Variants in NRXN3 observed in about 807,000 individuals in gnomAD.
NRXN3 encodes neurexin III.
In NRXN3, 32 loss-of-function variants were observed where a neutral mutation model predicts 137.6. The observed-to-expected ratio is 0.23, with a 90% CI of 0.18 to 0.31. The LOEUF is 0.31. Ranked by LOEUF, NRXN3 falls within the 10% of genes least tolerant of loss-of-function variation. The pLI is 1.00. For missense variants in NRXN3, 1,574 were observed against 2,062.5 expected (o/e 0.76, Z 4.59); for synonymous variants, 798 against 784.5 (o/e 1.02, Z -0.29).
chr14:78,971,383 A>G (rs979325648), intron 14 of NRXN3, among the ~76,000 whole-genome samples: 28 of 152,056 alleles, frequency 1.8e-4, no homozygotes, highest in African/African-American at 6.8e-4. Context: ...GAATCTCTTC[A>G]AGATATGTTT....
intron 16 of NRXN3, among the ~76,000 whole-genome samples, chr14:79,565,001 A>T (rs940399771): frequency 1.3e-5 from 2 of 152,134 alleles, no homozygotes; most frequent in African/African-American, 4.8e-5. Context: ...TCATGACCTC[A>T]GGAGAACCTG....
chr14:78,191,092 A>G (rs2153374560), intron 1 of NRXN3, among the ~76,000 whole-genome samples: 1 of 152,244 alleles, frequency 6.6e-6, no homozygotes, highest in South Asian at 2.1e-4. Context: ...ATTTTCCCTT[A>G]TTTTTCAAAG....
intron 4 of NRXN3, among the ~76,000 whole-genome samples, chr14:78,541,513 T>C (rs568819554): frequency 1.3e-5 from 2 of 152,312 alleles, no homozygotes; most frequent in African/African-American, 4.8e-5. Context: ...TAGCCATTCA[T>C]GTAATATTTT....
chr14:79,730,398 T>G (rs2098917621), intron 19 of NRXN3, among the ~76,000 whole-genome samples: 1 of 152,162 alleles, frequency 6.6e-6, no homozygotes, highest in Admixed American at 6.6e-5. Flanking sequence ...TGGAAAAAAT[T>G]GACAAGCACT....
At chr14:78,270,976 G>T (rs1476732210) in intron 2 of NRXN3, among the ~76,000 whole-genome samples, 1 of 152,188 alleles carries the variant, frequency 6.6e-6, no homozygotes, top group Non-Finnish European at 1.5e-5. Flanking sequence ...TCTCAAACTT[G>T]TACCAGCAAC....
chr14:79,069,563 TA>T (rs5809919), intron 15 of NRXN3, among the ~76,000 whole-genome samples: 142,166 of 146,498 alleles, frequency 0.97, 68,970 homozygotes, highest in Middle Eastern at 0.99. Context: ...TGAAATTTTA[TA>T]AAAAAAAAAA....
At chr14:79,672,532 G>T (rs149879558) in intron 17 of NRXN3, among the ~76,000 whole-genome samples, 3 of 152,100 alleles carry the variant, frequency 2.0e-5, no homozygotes, top group East Asian at 3.9e-4. Flanking sequence ...CTCCCTCTAT[G>T]TGAGGCATCA....
chr14:78,989,716 C>T (rs1054793296), intron 15 of NRXN3, among the ~76,000 whole-genome samples: 16 of 152,282 alleles, frequency 1.1e-4, no homozygotes, highest in African/African-American at 3.8e-4. Context: ...GTATAGCACT[C>T]ACTAGGAAGG....
At chr14:79,832,402 C>G (rs10162466) in intron 20 of NRXN3, among the ~76,000 whole-genome samples, 91,184 of 152,062 alleles carry the variant, frequency 0.6, 27,772 homozygotes, top group African/African-American at 0.72. Context: ...TCAATAGAGC[C>G]AGTAATAACT....
chr14:79,368,960 A>G (rs1461292897), intron 15 of NRXN3, among the ~76,000 whole-genome samples: 1 of 152,240 alleles, frequency 6.6e-6, no homozygotes, highest in Non-Finnish European at 1.5e-5. Context: ...AACTTATTCT[A>G]TTCAGTCACA....
chr14:78,834,446 T>G (rs2098990707), intron 10 of NRXN3, among the ~76,000 whole-genome samples: 3 of 152,080 alleles, frequency 2.0e-5, no homozygotes. Context: ...CAAGTAATGG[T>G]CAGAGAGGCA....
At position 79,306,855 on chromosome 14, in the gene NRXN3, T is replaced by C. The variant is rs558576066; in HGVS notation, c.3263-160366T>C. 5.9e-5 allele frequency among the ~76,000 whole-genome samples: 9 copies of C among 152,194 alleles called. 1 individual carries two copies. The East Asian group carries it at 1.6e-3, about 26-fold the overall frequency. On this transcript the variant is annotated intron_variant, in intron 15 of 20. Transcript: ENST00000335750. ...GAGCCAGGCCTCACCACATGGGCGA[T>C]TGTGGTTGATGAACAGATTCTAGTT...
intron 10 of NRXN3, among the ~76,000 whole-genome samples, chr14:78,882,564 G>T (rs2152657906): frequency 6.6e-6 from 1 of 151,884 alleles, no homozygotes; most frequent in East Asian, 1.9e-4. Flanking sequence ...CTTGCATGAG[G>T]CCTGTAGCCT....
At chr14:78,414,856 T>C (rs1334437444) in intron 4 of NRXN3, among the ~76,000 whole-genome samples, 4 of 151,942 alleles carry the variant, frequency 2.6e-5, no homozygotes, top group African/African-American at 9.7e-5. Flanking sequence ...AATGAAGAAG[T>C]CTGACTCTTT....
intron 8 of NRXN3, among the ~76,000 whole-genome samples, chr14:78,764,058 A>G (rs2098701024): frequency 6.6e-6 from 1 of 152,164 alleles, no homozygotes; most frequent in Non-Finnish European, 1.5e-5. Flanking sequence ...CCCACTACAG[A>G]GCACTCAGTA....
At chr14:79,754,095 G>A (rs2099008979) in intron 19 of NRXN3, among the ~76,000 whole-genome samples, 2 of 152,040 alleles carry the variant, frequency 1.3e-5, no homozygotes, top group South Asian at 4.1e-4. Flanking sequence ...GCCGAGGCAG[G>A]TGGATCACGT....
intron 4 of NRXN3, among the ~76,000 whole-genome samples, chr14:78,545,325 C>T (rs1218692957): frequency 1.3e-5 from 2 of 152,220 alleles, no homozygotes; most frequent in Non-Finnish European, 2.9e-5. Flanking sequence ...TTTAAACACA[C>T]ACACAAACAA....
At chr14:78,560,868 G>A (rs2096779943) in intron 4 of NRXN3, among the ~76,000 whole-genome samples, 2 of 152,196 alleles carry the variant, frequency 1.3e-5, no homozygotes, top group Non-Finnish European at 1.5e-5. Context: ...AAATAGAATT[G>A]CTTTTAGGTT....
At chr14:78,594,046 C>T (rs549274174) in intron 4 of NRXN3, among the ~76,000 whole-genome samples, 217 of 152,292 alleles carry the variant, frequency 1.4e-3, no homozygotes, top group Non-Finnish European at 2.4e-3. Flanking sequence ...AGCATGCCCT[C>T]GGCACGCAAC....
Sources: allele counts gnomAD v4.1 joint callset (sites outside exome capture counted in the v4.1 genomes callset), GRCh38; gene constraint gnomAD v4.1.1; transcripts MANE v1.5; gene names NCBI Gene and HGNC (gene_info 2026-07-23, HGNC 2026-07-21).